Variants in DDHD2 observed in about 807,000 individuals in gnomAD.
DDHD2 encodes the protein DDHD domain containing 2, also known as triacylglycerol hydrolase DDHD2.
DDHD2 carries 62 observed loss-of-function variants against 91.2 expected under a neutral mutation model. That is an observed-to-expected ratio of 0.68 (90% confidence interval 0.55 to 0.84). The LOEUF is 0.84. Among genes scored for constraint, DDHD2 ranks in the 40% least tolerant of loss-of-function variants. The pLI, the probability that DDHD2 is intolerant of heterozygous loss-of-function variation, is 0.00. For synonymous variants in DDHD2, 271 were observed against 293.9 expected, an observed-to-expected ratio of 0.92 and a Z score of 0.80; for missense variants, 740 against 846.9, an observed-to-expected ratio of 0.87 and a Z score of 1.57.
At chr8:38,268,303 G>A in intron 1 of DDHD2, 1 of 1,389,244 alleles carries the variant, frequency 7.2e-7, no homozygotes, top group African/African-American at 1.4e-5. Flanking sequence ...GCTCACCGTG[G>A]CTGAATCCCA....
rs1217989328 is a variant in DDHD2, at chr8:38,242,385, TGTGA to T, written c.848+3_848+6del. The T allele has an allele frequency of 6.2e-7, 1 of 1,610,400 alleles. No homozygotes were observed. The highest frequency in any genetic ancestry group is 1.7e-5 in the Admixed American group (1 of 58,918). On this transcript the variant is annotated splice_donor_variant and splice_donor_region_variant and intron_variant, in intron 7 of 17. Transcript: ENST00000397166. LOFTEE classifies it high-confidence loss of function. ...CCTTTGCATTCTACTGGTGTGGATGTGTGAGTAATACTTAATACCTTCGAGTTGT... is the reference window on the plus strand; with the variant it reads ...CCTTTGCATTCTACTGGTGTGGATGTGTAATACTTAATACCTTCGAGTTGT...
At chr8:38,267,952 G>T in intron 1 of DDHD2, 2 of 1,614,020 alleles carry the variant, frequency 1.2e-6, no homozygotes, top group Non-Finnish European at 1.7e-6. Flanking sequence ...GCCAGGGCAA[G>T]GCTGGCAGCT....
intron 5 of DDHD2, among the ~76,000 whole-genome samples, chr8:38,240,045 G>GA (rs562833018): frequency 6.7e-6 from 1 of 149,436 alleles, no homozygotes. Flanking sequence ...TCAGAGATCA[G>GA]AAAAAAAAGA....
At chr8:38,242,024 AGCTTGGG>A in intron 6 of DDHD2, 4 of 407,402 alleles carry the variant, frequency 9.8e-6, no homozygotes, top group East Asian at 5.1e-5. Flanking sequence ...ACTGCACCCC[AGCTTGGG>A]TTACAGAGCA....
intron 1 of DDHD2, chr8:38,268,372 C>T (rs1309459431): frequency 1.1e-5 from 18 of 1,565,664 alleles, no homozygotes; most frequent in African/African-American, 1.4e-5. Flanking sequence ...AGCGCTCACC[C>T]AGGCAGGCTT....
rs539650321 is a variant in DDHD2 at position 38,237,314 on chromosome 8, T to G, written c.412-224T>G. ...CTGCTTGAACCTGGGGGGCGGAGGT[T>G]GCAGTGAGCCGAGATTGTGCCACTG... On this transcript the variant is annotated intron_variant, in intron 3 of 17. Coordinates refer to ENST00000397166, the MANE Select transcript of DDHD2 (RefSeq NM_015214.3). 1.2e-4 allele frequency among the ~76,000 whole-genome samples: 19 copies of G among 152,170 alleles called. No homozygotes were observed. In the South Asian group the frequency reaches 3.1e-3, roughly 25 times the overall value.
At position 38,268,055 on chromosome 8, in the gene DDHD2, G is replaced by A. The variant is rs866636437; in HGVS notation, n.88-3067G>A. On this transcript the variant is annotated intron_variant and non_coding_transcript_variant, in intron 1 of 1. Transcript: ENST00000526071. ...GAGCAGCCGTGCTGTTTCTGAGATG[G>A]ATAGAATCCAACCAGGCCTGGGCAC... 48 of 1,589,730 alleles carry A rather than the reference G, an allele frequency of 3.0e-5. No individual in the cohort carries two copies. The African/African-American group carries it at 5.7e-4, about 19-fold the overall frequency.
At chr8:38,266,489 C>T (rs533322700), downstream of DDHD2, 76 of 573,800 alleles carry the variant, frequency 1.3e-4, no homozygotes, top group African/African-American at 1.2e-3. Context: ...CAACCTCCAC[C>T]ACCCGGGTTC....
At chr8:38,264,795 T>C, downstream of DDHD2, 2 of 1,516,970 alleles carry the variant, frequency 1.3e-6, no homozygotes, top group Non-Finnish European at 1.8e-6. Context: ...ATTATCATTG[T>C]CAGGTTGCTT....
intron 10 of DDHD2, among the ~76,000 whole-genome samples, chr8:38,248,944 CA>C (rs35672008): frequency 5.4e-3 from 290 of 53,632 alleles, no homozygotes; most frequent in African/African-American, 0.012. Context: ...GACTCCATCT[CA>C]AAAAAAAAAA....
At chr8:38,268,533 A>G in intron 1 of DDHD2, 1 of 1,536,486 alleles carries the variant, frequency 6.5e-7, no homozygotes, top group Admixed American at 2.0e-5. Flanking sequence ...GGAAAGAGGG[A>G]TGTGACACAG....
chr8:38,237,942 A>G, intron 4 of DDHD2, 147 bp from the exon 5 acceptor site: 2 of 741,924 alleles, frequency 2.7e-6, no homozygotes, highest in South Asian at 4.6e-5. Context: ...CACGGTTCTC[A>G]TTTCAAGCCA....
intron 14 of DDHD2, 32 bp downstream of exon 14, chr8:38,252,856 G>C (rs367652576): frequency 1.2e-6 from 2 of 1,609,634 alleles, no homozygotes; most frequent in Admixed American, 1.7e-5. Flanking sequence ...GATAATTCTA[G>C]ACCTTTTGGC....
chr8:38,259,179 C>A (rs1223828649), intron 16 of DDHD2, among the ~76,000 whole-genome samples: 1 of 150,902 alleles, frequency 6.6e-6, no homozygotes, highest in Non-Finnish European at 1.5e-5. Context: ...CTAGAATGAT[C>A]TCTGTGGAAA....
chr8:38,263,254 A>T, downstream of DDHD2: 1 of 306,748 alleles, frequency 3.3e-6, no homozygotes, highest in Non-Finnish European at 4.8e-6. Context: ...TGTAGGTCCT[A>T]TGGCATCCAT....
At chr8:38,246,032 A>G in intron 8 of DDHD2, 82 bp downstream of exon 8, 5 of 1,409,770 alleles carry the variant, frequency 3.5e-6, no homozygotes, top group Non-Finnish European at 5.0e-6. Context: ...GTCTTTTATC[A>G]GTATGAAATT....
intron 1 of DDHD2, chr8:38,268,974 G>A: frequency 1.9e-6 from 3 of 1,570,128 alleles, no homozygotes; most frequent in South Asian, 1.2e-5. Context: ...TGGAACGGGG[G>A]GAGCAGCTCC....
exon 2 of DDHD2, chr8:38,271,360 A>G (rs1808470832): frequency 1.3e-5 from 2 of 152,150 alleles, no homozygotes; most frequent in Admixed American, 1.3e-4. Context: ...AGAGGTCTCA[A>G]TGTTAAAGTG....
At chr8:38,234,022 A>G (rs898998543) in intron 2 of DDHD2, among the ~76,000 whole-genome samples, 10 of 152,000 alleles carry the variant, frequency 6.6e-5, no homozygotes, top group Admixed American at 1.3e-4. Context: ...TTCTTCTTTT[A>G]TAAAACAAGA....
Sources: gnomAD v4.1 joint callset for allele counts (sites outside exome capture counted in the v4.1 genomes callset) on GRCh38, gnomAD v4.1.1 for gene constraint, MANE v1.5 for transcripts, NCBI Gene and HGNC (gene_info 2026-07-23, HGNC 2026-07-21) for gene names.